ZBTB20: variants seen among roughly 807,000 people sequenced by gnomAD.
ZBTB20 encodes the protein zinc finger and BTB domain containing 20, also known as zinc finger and BTB domain-containing protein 20.
A neutral mutation model predicts 56.9 loss-of-function variants in ZBTB20; 9 were observed. That is an observed-to-expected ratio of 0.16 (90% confidence interval 0.10 to 0.28). The LOEUF is 0.28. ZBTB20 is among the 10% of genes least tolerant of loss of function. The pLI, the probability that ZBTB20 is intolerant of heterozygous loss-of-function variation, is 1.00. For synonymous variants in ZBTB20, 417 were observed against 420.7 expected, an observed-to-expected ratio of 0.99 and a Z score of 0.11; for missense variants, 655 against 1,003.0, an observed-to-expected ratio of 0.65 and a Z score of 4.69.
At chr3:114,961,882 G>A (rs2077467065) in intron 3 of ZBTB20, among the ~76,000 whole-genome samples, 1 of 152,070 alleles carries the variant, frequency 6.6e-6, no homozygotes, top group Non-Finnish European at 1.5e-5. Flanking sequence ...ATTTCATAAT[G>A]TCACGATTGT....
chr3:115,062,209 C>T (rs2082035841), intron 2 of ZBTB20, among the ~76,000 whole-genome samples: 1 of 152,196 alleles, frequency 6.6e-6, no homozygotes, highest in African/African-American at 2.4e-5. Flanking sequence ...TGCCACAATG[C>T]ACCATTGATG....
intron 5 of ZBTB20, among the ~76,000 whole-genome samples, chr3:114,779,406 A>C (rs2069886354): frequency 6.6e-6 from 1 of 152,068 alleles, no homozygotes; most frequent in Admixed American, 6.6e-5. Context: ...TCCTGTTACT[A>C]TCTTCTCTTA....
intron 6 of ZBTB20, among the ~76,000 whole-genome samples, chr3:114,650,436 T>C (rs1414896561): frequency 6.7e-6 from 1 of 148,760 alleles, no homozygotes; most frequent in African/African-American, 2.6e-5. Context: ...TATCCCTAGA[T>C]TAAGAAATAT....
chr3:115,085,488 T>C (rs1198682856), intron 1 of ZBTB20, among the ~76,000 whole-genome samples: 1 of 151,886 alleles, frequency 6.6e-6, no homozygotes, highest in Non-Finnish European at 1.5e-5. Context: ...TAAAAACAAG[T>C]CATTTCATCT....
intron 3 of ZBTB20, among the ~76,000 whole-genome samples, chr3:114,910,543 C>T (rs2075492486): frequency 6.6e-6 from 1 of 151,546 alleles, no homozygotes; most frequent in African/African-American, 2.4e-5. Context: ...ACAAGCTAGC[C>T]AAAAGACACT....
chr3:115,082,464 TCTG>T (rs2082832128), intron 1 of ZBTB20, among the ~76,000 whole-genome samples: 1 of 152,150 alleles, frequency 6.6e-6, no homozygotes, highest in Non-Finnish European at 1.5e-5. Context: ...TGAAAATATT[TCTG>T]CTAACACCAA....
chr3:114,350,574 T>C lies in ZBTB20; in HGVS notation c.1504A>G (p.Thr502Ala), dbSNP rs2080580814. ...GCTGGCAGGTAGGTGTTGCCAGCTG[T>C]GCCAATGACCTGCGTGTTGCTGGTC... The part of the protein sequence containing the change: ...TLTSNTQVIG[T>A]AGNTYLPALF... The change falls in exon 11 of 12, where the codon ACA becomes GCA. Residue 502 changes from threonine (T) to alanine (A), a missense_variant. By Grantham distance (58) the Thr-to-Ala change is moderately conservative. Around this residue, in one of 10 missense-constraint regions of ZBTB20, gnomAD observed 11 missense variants for 35.8 expected, o/e 0.31. Transcript: ENST00000675478. 7 of 1,614,134 alleles carry C rather than the reference T, an allele frequency of 4.3e-6. No individual in the cohort carries two copies. Among genetic ancestry groups the C allele is most frequent in the Non-Finnish European group, 5.1e-6 (6 of 1,180,018 alleles).
In ZBTB20 at chr3:114,451,003, C is replaced by T. The variant is rs138547514; in HGVS notation, c.-255+49349G>A. On this transcript the variant is annotated intron_variant, in intron 7 of 11. Coordinates refer to ENST00000675478, the MANE Select transcript of ZBTB20 (RefSeq NM_001348800.3). ...TTTCTCTTCCTTGAATATCCCTAAG[C>T]ATTCCATTTTACCATCTATCACCAA... is the stretch of plus-strand genomic sequence containing the variant. Among the ~76,000 whole-genome samples, 427 of 152,176 alleles carry T rather than the reference C, an allele frequency of 2.8e-3. 2 individuals are homozygous for T. Among genetic ancestry groups the T allele is most frequent in the African/African-American group, 9.7e-3 (403 of 41,536 alleles).
At chr3:114,448,909 ACT>A (rs2091434507) in intron 7 of ZBTB20, among the ~76,000 whole-genome samples, 2 of 152,134 alleles carry the variant, frequency 1.3e-5, no homozygotes, top group Non-Finnish European at 2.9e-5. Context: ...AATTAATGTA[ACT>A]GTAAAGTGGA....
At chr3:114,749,384 G>A (rs573260875) in intron 5 of ZBTB20, among the ~76,000 whole-genome samples, 4 of 151,828 alleles carry the variant, frequency 2.6e-5, no homozygotes, top group Non-Finnish European at 4.4e-5. Context: ...AAACCCCGTC[G>A]CTACTAAAAA....
chr3:115,144,720 TG>T (rs2084914715), intron 1 of ZBTB20: 2 of 152,170 alleles, frequency 1.3e-5, no homozygotes, highest in South Asian at 4.1e-4. Flanking sequence ...CGGGCCTAGA[TG>T]GGTAAGCATA....
intron 3 of ZBTB20, among the ~76,000 whole-genome samples, chr3:114,961,707 AAAT>A (rs2077458938): frequency 6.6e-6 from 1 of 152,136 alleles, no homozygotes; most frequent in African/African-American, 2.4e-5. Flanking sequence ...CCAAAATGTC[AAAT>A]AATACTTGTC....
In ZBTB20 at chr3:114,337,371, C is replaced by G. The variant is rs1284102643; in HGVS notation, c.*1634G>C. The G allele has an allele frequency of 6.6e-6, 1 of 152,040 alleles. No individual in the cohort carries two copies. The highest frequency in any genetic ancestry group is 1.5e-5 in the Non-Finnish European group (1 of 67,992). 9.4% of individuals were successfully genotyped at this position (152,040 alleles called of 1,614,324 possible). On this transcript the variant is annotated 3_prime_UTR_variant, in exon 12 of 12. Coordinates refer to ENST00000675478, the MANE Select transcript of ZBTB20 (RefSeq NM_001348800.3). The stretch of plus-strand genomic sequence containing the variant: ...CTGGCTGATCACAAAAGAAAAGACC[C>G]CATTTATCAAGACTTCTAGACTATT...
At chr3:114,844,330 A>AATATATATATATATATATATAT (rs71146341) in intron 4 of ZBTB20, among the ~76,000 whole-genome samples, 13 of 99,260 alleles carry the variant, frequency 1.3e-4, no homozygotes, top group East Asian at 2.4e-4. Flanking sequence ...TACTGGAGTA[A>AATATATATATATATATATATAT]ATATATATAT....
intron 1 of ZBTB20, among the ~76,000 whole-genome samples, chr3:115,146,283 A>G (rs1182381086): frequency 2.0e-5 from 3 of 149,938 alleles, no homozygotes; most frequent in Admixed American, 1.3e-4. Flanking sequence ...TGTGCCTAGC[A>G]TATGTTTGTG....
In ZBTB20 at chr3:114,330,948, C is replaced by G. The variant is rs1273072544; in HGVS notation, c.*8057G>C. 6.6e-6 allele frequency: 1 copy of G among 152,224 alleles called. No individual in the cohort carries two copies. Among genetic ancestry groups the G allele is most frequent in the Admixed American group, 6.5e-5 (1 of 15,284 alleles). 9.4% of individuals were successfully genotyped at this position (152,224 alleles called of 1,614,324 possible). A position where few individuals can be genotyped will look rare whatever the true frequency, so the allele number is the denominator to read the frequency against. Reference sequence around the variant, plus strand: ...TACAGATTACCAAAAAACATTCCCCCCAACAGTCTATTGGTTTGCTAGACA... The same window carrying G: ...TACAGATTACCAAAAAACATTCCCCGCAACAGTCTATTGGTTTGCTAGACA... On this transcript the variant is annotated 3_prime_UTR_variant, in exon 12 of 12. Coordinates refer to ENST00000675478, the MANE Select transcript of ZBTB20 (RefSeq NM_001348800.3).
chr3:114,917,727 C>T (rs1053611331), intron 3 of ZBTB20, among the ~76,000 whole-genome samples: 1 of 148,292 alleles, frequency 6.7e-6, no homozygotes, highest in Non-Finnish European at 1.5e-5. Flanking sequence ...CAAACAGAGT[C>T]TCTCTGTGTG....
intron 7 of ZBTB20, among the ~76,000 whole-genome samples, chr3:114,492,839 A>T (rs2042891696): frequency 1.3e-5 from 2 of 152,254 alleles, no homozygotes; most frequent in South Asian, 2.1e-4. Context: ...GGAAATTAAC[A>T]TTGGTGCAAT....
intron 2 of ZBTB20, among the ~76,000 whole-genome samples, chr3:115,046,851 T>C (rs2081351337): frequency 6.6e-6 from 1 of 152,034 alleles, no homozygotes; most frequent in African/African-American, 2.4e-5. Context: ...AACACAAATA[T>C]CTATTATAGA....
Sources: gnomAD v4.1 joint callset for allele counts (sites outside exome capture counted in the v4.1 genomes callset) on GRCh38, gnomAD v4.1.1 for gene constraint, gnomAD v4.1.1 regional missense constraint, MANE v1.5 for transcripts, NCBI Gene and HGNC (gene_info 2026-07-23, HGNC 2026-07-21) for gene names.